The following ERVMER34-1 variants were observed in gnomAD, a reference collection of about 807,000 sequenced individuals.
ERVMER34-1 encodes endogenous retroviral envelope protein HEMO.
For missense variants in ERVMER34-1, 471 were observed against 295.1 expected (o/e 1.60, Z -4.37); for synonymous variants, 199 against 111.7 (o/e 1.78, Z -4.93).
chr4:52,748,445 ACT>A (rs1716204407), intron 2 of ERVMER34-1, among the ~76,000 whole-genome samples: 1 of 152,134 alleles, frequency 6.6e-6, no homozygotes, highest in African/African-American at 2.4e-5. Context: ...AGACTGGCTG[ACT>A]CTGGTCATAA....
chr4:52,743,922 T>C lies in ERVMER34-1; in HGVS notation c.1599A>G (p.Ser533=). Residue 533 remains serine, a synonymous_variant, in exon 3 of 3, where the codon TCA becomes TCG. Coordinates refer to ENST00000443173, the MANE Select transcript of ERVMER34-1 (RefSeq NM_001242690.2). Reference sequence around the variant, plus strand: ...AAGTTTCACTGACAAGGAGCTGTGCTGATTGCTGTGGAGATAAGGCTAGGT... The same window carrying C: ...AAGTTTCACTGACAAGGAGCTGTGCCGATTGCTGTGGAGATAAGGCTAGGT... ...PLNLALSPQQ[S]AQLLVSETSC... 3.0e-6 allele frequency: 4 copies of C among 1,347,318 alleles called. No homozygotes were observed. The highest frequency in any genetic ancestry group is 4.1e-6 in the Non-Finnish European group (4 of 973,514). The allele number at this position is 1,347,318 out of a possible 1,614,324, so 83.5% of individuals were successfully genotyped here. A position where few individuals can be genotyped will look rare whatever the true frequency, so the allele number is the denominator to read the frequency against.
In ERVMER34-1 at chr4:52,745,546, C is replaced by T. The variant is rs768215063; in HGVS notation, c.-26G>A. ...AGTGGAGGAACAGGCTAGATTAAAA[C>T]AAGCAAACTCCAGACAATGGAGATT... On this transcript the variant is annotated 5_prime_UTR_variant, in exon 3 of 3. Coordinates refer to ENST00000443173, the MANE Select transcript of ERVMER34-1 (RefSeq NM_001242690.2). 1 of 690,964 alleles carries T rather than the reference C, an allele frequency of 1.4e-6. No individual in the cohort carries two copies. The highest frequency in any genetic ancestry group is 2.7e-6 in the Non-Finnish European group (1 of 376,672). 42.8% of individuals were successfully genotyped at this position (690,964 alleles called of 1,614,324 possible). A position where few individuals can be genotyped will look rare whatever the true frequency, so the allele number is the denominator to read the frequency against.
At chr4:52,746,867 C>T (rs9991190) in intron 2 of ERVMER34-1, among the ~76,000 whole-genome samples, 2,578 of 152,214 alleles carry the variant, frequency 0.017, 83 homozygotes, top group African/African-American at 0.057. Flanking sequence ...TTTGATCATC[C>T]TATTCACACA....
At chr4:52,747,133 G>A (rs904864427) in intron 2 of ERVMER34-1, among the ~76,000 whole-genome samples, 1 of 152,068 alleles carries the variant, frequency 6.6e-6, no homozygotes, top group African/African-American at 2.4e-5. Flanking sequence ...GGAGACTGAG[G>A]GAGGAGAATC....
Position 52,744,048 on chromosome 4 carries a change from G to A in ERVMER34-1, c.1473C>T (p.Gly491=), listed in dbSNP as rs1177398247. 8.5e-6 allele frequency: 6 copies of A among 706,138 alleles called. No homozygotes were observed. The highest frequency in any genetic ancestry group is 1.6e-5 in the Non-Finnish European group (6 of 386,992). 43.7% of individuals were successfully genotyped at this position (706,138 alleles called of 1,614,324 possible). The change falls in exon 3 of 3, where the codon GGC becomes GGT. Residue 491 remains glycine (G), a synonymous_variant. Transcript: ENST00000443173. ...AGAAAAGAACAATTAAAAGCACATA[G>A]CCCCATGATCTGAACCAGTCTCCCA... ...AKVGDWFRSW[G]YVLLIVLFCL... is the part of the protein sequence containing the mutation.
In ERVMER34-1 at chr4:52,744,939, G is replaced by A. The variant is rs369043400; in HGVS notation, c.582C>T (p.Thr194=). Residue 194 remains threonine (T), a synonymous_variant, in exon 3 of 3, where the codon ACC becomes ACT. Transcript: ENST00000443173. ...TCAAGGGAACAGCTGAGCTGTTCCA[G>A]GTCCGGTTTGTGCAACCTGCAAACC... ...CSWFAGCTNR[T]WNSSAVPLIG... 6.1e-5 allele frequency: 43 copies of A among 703,994 alleles called. No homozygotes were observed. Among genetic ancestry groups the A allele is most frequent in the Non-Finnish European group, 9.4e-5 (36 of 385,004 alleles). The allele number at this position is 703,994 out of a possible 1,614,324, so 43.6% of individuals were successfully genotyped here. A position where few individuals can be genotyped will look rare whatever the true frequency, so the allele number is the denominator to read the frequency against.
In ERVMER34-1 at chr4:52,742,801, C is replaced by T. The variant is rs1290814503; in HGVS notation, c.*1028G>A. ...GGCGTGGTGGCAGGCGCCTGTAGTC[C>T]CAGCTACTCAGGAGGGAGGCAGGAG... On this transcript the variant is annotated 3_prime_UTR_variant, in exon 3 of 3. Transcript: ENST00000443173. 1 of 151,444 alleles carries T rather than the reference C, an allele frequency of 6.6e-6. No individual in the cohort carries two copies. Among genetic ancestry groups the T allele is most frequent in the East Asian group, 2.0e-4 (1 of 5,124 alleles). 9.4% of individuals were successfully genotyped at this position (151,444 alleles called of 1,614,324 possible).
In ERVMER34-1 at chr4:52,747,764, A is replaced by G. The variant is rs1716188593; in HGVS notation, c.-423-1821T>C. ...TAAAGAAACTGAGATGCAGCCGGGC[A>G]CAGTGGCTCATGCCTGTAATCCCAA... On this transcript the variant is annotated intron_variant, in intron 2 of 2. Transcript: ENST00000443173. Among the ~76,000 whole-genome samples, 4 of 152,248 alleles carry G rather than the reference A, an allele frequency of 2.6e-5. No individual in the cohort carries two copies. In the South Asian group the frequency reaches 8.3e-4, roughly 31 times the overall value.
intron 2 of ERVMER34-1, chr4:52,748,153 G>C (rs1716198897): frequency 4.8e-6 from 1 of 209,382 alleles, no homozygotes. Flanking sequence ...TTTTAAGGTT[G>C]ACACAGTGCA....
intron 2 of ERVMER34-1, among the ~76,000 whole-genome samples, chr4:52,746,836 CTTTTGGCTCT>C (rs1560437435): frequency 6.6e-6 from 1 of 152,182 alleles, no homozygotes; most frequent in Non-Finnish European, 1.5e-5. Flanking sequence ...AGCCAACTGT[CTTTTGGCTCT>C]TTTTGGCTCT....
At chr4:52,748,276 G>A (rs150861442) in intron 2 of ERVMER34-1, 481 of 175,698 alleles carry the variant, frequency 2.7e-3, no homozygotes, top group Non-Finnish European at 4.6e-3. Context: ...ATTCCTTACA[G>A]TTTAAGCACA....
chr4:52,744,494 A>G lies in ERVMER34-1; in HGVS notation c.1027T>C (p.Phe343Leu), dbSNP rs1716094567. 1 of 703,958 alleles carries G rather than the reference A, an allele frequency of 1.4e-6. No individual in the cohort carries two copies. Among genetic ancestry groups the G allele is most frequent in the African/African-American group, 1.7e-5 (1 of 57,246 alleles). The allele number at this position is 703,958 out of a possible 1,614,324, so 43.6% of individuals were successfully genotyped here. ...CTATGCGGTGTTACTTTATGAATGA[A>G]GGATCTCAGGTTTGTAATTTGGCTA... ...NASQITNLRSFIHKVTPHRCT... is the reference protein window; with the variant it reads ...NASQITNLRSLIHKVTPHRCT... The change falls in exon 3 of 3, where the codon TTC becomes CTC. Residue 343 changes from phenylalanine to leucine, a missense_variant. By Grantham distance (22) the Phe-to-Leu change is conservative. Coordinates refer to ENST00000443173, the MANE Select transcript of ERVMER34-1 (RefSeq NM_001242690.2).
At chr4:52,746,983 C>T (rs1035188997) in intron 2 of ERVMER34-1, among the ~76,000 whole-genome samples, 15 of 151,684 alleles carry the variant, frequency 9.9e-5, no homozygotes, top group Non-Finnish European at 5.9e-5. Flanking sequence ...AATCCCAGCA[C>T]TTTGGGAGGC....
intron 2 of ERVMER34-1, among the ~76,000 whole-genome samples, chr4:52,746,432 T>G (rs555560941): frequency 4.0e-4 from 61 of 152,374 alleles, no homozygotes; most frequent in Non-Finnish European, 7.8e-4. Flanking sequence ...ATGTTTCACT[T>G]GCCTTGAGGA....
intron 2 of ERVMER34-1, among the ~76,000 whole-genome samples, chr4:52,750,062 G>A (rs560068350): frequency 2.0e-5 from 3 of 151,954 alleles, no homozygotes; most frequent in East Asian, 1.9e-4. Context: ...GCAGTGGTGC[G>A]ATCTCCGCTC....
Position 52,743,799 on chromosome 4 carries a change from T to C in ERVMER34-1, c.*30A>G. On this transcript the variant is annotated 3_prime_UTR_variant, in exon 3 of 3. Coordinates refer to ENST00000443173, the MANE Select transcript of ERVMER34-1 (RefSeq NM_001242690.2). Reference sequence around the variant, plus strand: ...TCATCAAAGTTTAGCTAAGGCTTTTTGTCTGCAGCTGCTGTTTGTTCAGAT... The same window carrying C: ...TCATCAAAGTTTAGCTAAGGCTTTTCGTCTGCAGCTGCTGTTTGTTCAGAT... The C allele has an allele frequency of 6.9e-7, 1 of 1,451,186 alleles. No homozygotes were observed. The allele number at this position is 1,451,186 out of a possible 1,614,324, so 89.9% of individuals were successfully genotyped here. A position where few individuals can be genotyped will look rare whatever the true frequency, so the allele number is the denominator to read the frequency against.
chr4:52,745,121 C>A lies in ERVMER34-1; in HGVS notation c.400G>T (p.Gly134Ter). 1.4e-6 allele frequency: 1 copy of A among 704,134 alleles called. No homozygotes were observed. Among genetic ancestry groups the A allele is most frequent in the Non-Finnish European group, 2.6e-6 (1 of 385,010 alleles). 43.6% of individuals were successfully genotyped at this position (704,134 alleles called of 1,614,324 possible). Residue 134 changes from glycine (G) to a stop codon, truncating the protein, a stop_gained, in exon 3 of 3, where the codon GGA becomes TGA. Coordinates refer to ENST00000443173, the MANE Select transcript of ERVMER34-1 (RefSeq NM_001242690.2). LOFTEE classifies it low-confidence loss of function (END_TRUNC). ...TTAGGTATATTACCTAGGAAGGGTC[C>A]ACTGCCATTTTTATTTTCTACGCAA... Reference protein sequence around the residue: ...SLCVENKNGSGPFLGNIPKQY... With the variant: ...SLCVENKNGS
At position 52,745,573 on chromosome 4, in the gene ERVMER34-1, A is replaced by C; in HGVS notation, c.-53T>G. On this transcript the variant is annotated 5_prime_UTR_variant, in exon 3 of 3. It adds an upstream start codon to the 5' untranslated region. Coordinates refer to ENST00000443173, the MANE Select transcript of ERVMER34-1 (RefSeq NM_001242690.2). ...AGCAAACTCCAGACAATGGAGATTC[A>C]ATGAAAGGGGAGGGTTTTGTTTAAA... The C allele has an allele frequency of 1.5e-6, 1 of 663,276 alleles. No homozygotes were observed. The highest frequency in any genetic ancestry group is 2.7e-6 in the Non-Finnish European group (1 of 363,718). 41.1% of individuals were successfully genotyped at this position (663,276 alleles called of 1,614,324 possible). A position where few individuals can be genotyped will look rare whatever the true frequency, so the allele number is the denominator to read the frequency against.
At position 52,745,619 on chromosome 4, in the gene ERVMER34-1, C is replaced by T; in HGVS notation, c.-99G>A. ...TTAAATTTCTAAGTCAGAGAATTTT[C>T]CAGGTTGAGGAGGGAAGATGTTTCA... On this transcript the variant is annotated 5_prime_UTR_variant, in exon 3 of 3. Coordinates refer to ENST00000443173, the MANE Select transcript of ERVMER34-1 (RefSeq NM_001242690.2). 1 of 627,942 alleles carries T rather than the reference C, an allele frequency of 1.6e-6. No individual in the cohort carries two copies. The highest frequency in any genetic ancestry group is 1.8e-5 in the African/African-American group (1 of 54,832). 38.9% of individuals were successfully genotyped at this position (627,942 alleles called of 1,614,324 possible).
Sources: gnomAD v4.1 joint callset for allele counts (sites outside exome capture counted in the v4.1 genomes callset) on GRCh38, gnomAD v4.1.1 for gene constraint, MANE v1.5 for transcripts, NCBI Gene and HGNC (gene_info 2026-07-23, HGNC 2026-07-21) for gene names.